Variants in SLC9A2 observed in about 807,000 individuals in gnomAD.
SLC9A2 encodes solute carrier family 9 member A2, also known as sodium/hydrogen exchanger 2.
SLC9A2 carries 42 observed loss-of-function variants against 71.7 expected under a neutral mutation model. The observed-to-expected ratio is 0.59, with a 90% confidence interval of 0.46 to 0.76. The LOEUF (loss-of-function observed/expected upper bound fraction) is 0.76. Ranked by LOEUF, SLC9A2 falls within the 30% of genes least tolerant of loss-of-function variation. The probability of loss-of-function intolerance (pLI) is 0.00; values close to 1 mark genes in which losing one functional copy is unlikely to be tolerated. For synonymous variants in SLC9A2, 396 were observed against 392.5 expected (o/e 1.01, Z -0.10); for missense variants, 829 against 1,017.4 (o/e 0.81, Z 2.52).
At chr2:102,702,220 C>T (rs965077685) in intron 8 of SLC9A2, among the ~76,000 whole-genome samples, 186 bp from the exon 9 acceptor site, 1 of 152,030 alleles carries the variant, frequency 6.6e-6, no homozygotes, top group African/African-American at 2.4e-5. Context: ...GTTAAACTTG[C>T]CATGAATGAT....
rs1678075088 is a variant in SLC9A2 at position 102,710,066 on chromosome 2, A to G, written c.*1577A>G. 6.5e-6 allele frequency: 1 copy of G among 152,760 alleles called. No homozygotes were observed. Among genetic ancestry groups the G allele is most frequent in the East Asian group, 1.9e-4 (1 of 5,332 alleles). The allele number at this position is 152,760 out of a possible 1,614,324, so 9.5% of individuals were successfully genotyped here. On this transcript the variant is annotated 3_prime_UTR_variant, in exon 12 of 12. Coordinates refer to ENST00000233969, the MANE Select transcript of SLC9A2 (RefSeq NM_003048.6). The stretch of plus-strand genomic sequence containing the variant: ...TTCTCATGTTCTAAAGTCTTAGAAT[A>G]CTGCTGGATTGTTGAGCATGAGACA...
chr2:102,631,989 A>C (rs1676363913), intron 1 of SLC9A2, among the ~76,000 whole-genome samples: 1 of 123,510 alleles, frequency 8.1e-6, no homozygotes, highest in African/African-American at 3.2e-5. Flanking sequence ...AATTAATGAA[A>C]GTGGGGATAT....
In SLC9A2 at chr2:102,708,539, T is replaced by C. The variant is rs55898548; in HGVS notation, c.*50T>C. 18,318 of 1,566,920 alleles carry C rather than the reference T, an allele frequency of 0.012. 146 individuals carry two copies. Among genetic ancestry groups the C allele is most frequent in the Middle Eastern group, 0.029 (167 of 5,808 alleles). On this transcript the variant is annotated 3_prime_UTR_variant, in exon 12 of 12. Transcript: ENST00000233969. ...GTGTCTGACCCAGGACAGCTGTGGT[T>C]TGTCACTCTGAAACCTGATGCAACA...
intron 5 of SLC9A2, 22 bp downstream of exon 5, chr2:102,684,358 C>A (rs369154330): frequency 6.3e-7 from 1 of 1,593,908 alleles, no homozygotes; most frequent in Non-Finnish European, 8.6e-7. Flanking sequence ...GATCCCTTTA[C>A]CAGGAGGGTA....
chr2:102,619,964 C>G lies in SLC9A2; in HGVS notation c.116C>G (p.Ala39Gly), dbSNP rs201327150. 419 of 1,612,774 alleles carry G rather than the reference C, an allele frequency of 2.6e-4. 1 individual carries two copies. In the Admixed American group the frequency reaches 6.6e-3, roughly 26 times the overall value. ...VGALAETLLN[A>G]PRAMGTSSSP... ...GCCCTGGCGGAGACCTTGCTGAACG[C>G]GCCGAGGGCCATGGGCACCAGTTCC... Residue 39 changes from alanine to glycine, a missense_variant, in exon 1 of 12, where the codon GCG becomes GGG. Transcript: ENST00000233969. This position sits in a 1 kb window ranked among gnomAD's most constrained non-coding sequence, Gnocchi z 4.3.
intron 3 of SLC9A2, among the ~76,000 whole-genome samples, chr2:102,674,772 C>A (rs187066086): frequency 6.6e-6 from 1 of 152,150 alleles, no homozygotes; most frequent in Non-Finnish European, 1.5e-5. Flanking sequence ...TGGGATTTAG[C>A]CTTAGGGTGA....
intron 1 of SLC9A2, among the ~76,000 whole-genome samples, chr2:102,646,595 G>A (rs1017814593): frequency 1.3e-5 from 2 of 151,910 alleles, no homozygotes; most frequent in Non-Finnish European, 2.9e-5. Context: ...TCAAAATAAA[G>A]GGATGGAGGA....
chr2:102,650,739 T>C (rs895526876), intron 1 of SLC9A2, among the ~76,000 whole-genome samples: 1 of 152,222 alleles, frequency 6.6e-6, no homozygotes, highest in African/African-American at 2.4e-5. Flanking sequence ...GTGAATTTAC[T>C]ATTTCATCCC....
At chr2:102,694,609 G>A in intron 6 of SLC9A2, 106 bp downstream of exon 6, 1 of 513,680 alleles carries the variant, frequency 1.9e-6, no homozygotes. Context: ...GAAGGGAATG[G>A]CAGGGTGAGA....
Position 102,702,516 on chromosome 2 carries a change from A to C in SLC9A2, c.1845+14A>C. 7.0e-7 allele frequency: 1 copy of C among 1,433,160 alleles called. No individual in the cohort carries two copies. Among genetic ancestry groups the C allele is most frequent in the Non-Finnish European group, 9.7e-7 (1 of 1,033,012 alleles). The allele number at this position is 1,433,160 out of a possible 1,614,324, so 88.8% of individuals were successfully genotyped here. A position where few individuals can be genotyped will look rare whatever the true frequency, so the allele number is the denominator to read the frequency against. On this transcript the variant is annotated intron_variant, in intron 9 of 11. Coordinates refer to ENST00000233969, the MANE Select transcript of SLC9A2 (RefSeq NM_003048.6). ...ATCCGTCAGCGAGTAAGAATAATTT[A>C]TGTAGCAAAATATTTACTTACCTTT... is the stretch of plus-strand genomic sequence containing the variant.
intron 2 of SLC9A2, among the ~76,000 whole-genome samples, chr2:102,659,149 A>G (rs928668633): frequency 6.6e-6 from 1 of 152,024 alleles, no homozygotes; most frequent in Non-Finnish European, 1.5e-5. Flanking sequence ...CCGGGTGCAG[A>G]GGCTCATGCC....
Position 102,657,795 on chromosome 2 carries a change from T to C in SLC9A2, c.521T>C (p.Val174Ala). 1 of 1,614,162 alleles carries C rather than the reference T, an allele frequency of 6.2e-7. No homozygotes were observed. Among genetic ancestry groups the C allele is most frequent in the Non-Finnish European group, 8.5e-7 (1 of 1,180,032 alleles). Residue 174 changes from valine (V) to alanine (A), a missense_variant, in exon 2 of 12, where the codon GTG becomes GCG. By Grantham distance (64) the Val-to-Ala change is moderately conservative. Transcript: ENST00000233969. ...ENIGTIFWYA[V>A]VGTLWNSIGI... Reference sequence around the variant, plus strand: ...ATTGGCACGATTTTCTGGTATGCTGTGGTAGGGACACTTTGGAATTCCATT... The same window carrying C: ...ATTGGCACGATTTTCTGGTATGCTGCGGTAGGGACACTTTGGAATTCCATT...
Position 102,670,093 on chromosome 2 carries a change from G to A in SLC9A2, c.1004+4743G>A, listed in dbSNP as rs370250948. On this transcript the variant is annotated intron_variant, in intron 3 of 11. Coordinates refer to ENST00000233969, the MANE Select transcript of SLC9A2 (RefSeq NM_003048.6). ...GTTGCCCAGGCTGGAATGCAGTGGC[G>A]CGATCTCTGCTCACTGCAAGCTCAC... Among the ~76,000 whole-genome samples, 34 of 151,024 alleles carry A rather than the reference G, an allele frequency of 2.3e-4. No individual in the cohort carries two copies. The East Asian group carries it at 3.1e-3, about 14-fold the overall frequency.
intron 1 of SLC9A2, among the ~76,000 whole-genome samples, chr2:102,641,448 C>A (rs149283468): frequency 7.2e-5 from 11 of 151,900 alleles, no homozygotes; most frequent in African/African-American, 2.4e-4. Flanking sequence ...CCTTTGTCCC[C>A]ACTCTAGTGA....
chr2:102,674,410 G>A (rs1161167706), intron 3 of SLC9A2, among the ~76,000 whole-genome samples: 1 of 152,132 alleles, frequency 6.6e-6, no homozygotes, highest in Non-Finnish European at 1.5e-5. Flanking sequence ...TGGCTTCTGG[G>A]GTGAGGAGAG....
At chr2:102,705,726 T>C in intron 10 of SLC9A2, 120 bp from the exon 11 acceptor site, 3 of 560,088 alleles carry the variant, frequency 5.4e-6, no homozygotes, top group Non-Finnish European at 9.3e-6. Flanking sequence ...AAAGTAATTT[T>C]GGAATCAGAA....
rs761684174 is a variant in SLC9A2, at chr2:102,684,169, C to T, written c.1258C>T (p.Arg420Trp). 6.2e-7 allele frequency: 1 copy of T among 1,614,092 alleles called. No homozygotes were observed. Among genetic ancestry groups the T allele is most frequent in the Non-Finnish European group, 8.5e-7 (1 of 1,179,978 alleles). The change falls in exon 5 of 12, where the codon CGG becomes TGG. Residue 420 changes from arginine (R) to tryptophan (W), a missense_variant. Arg to Trp is a moderately radical substitution (Grantham distance 101). This residue lies in a region of SLC9A2 where 500 missense variants were observed against 726.3 expected (regional missense o/e 0.69). Coordinates refer to ENST00000233969, the MANE Select transcript of SLC9A2 (RefSeq NM_003048.6). Reference protein sequence around the residue: ...FVLTQVINRFRTIPLTFKDQF... With the variant: ...FVLTQVINRFWTIPLTFKDQF... The stretch of plus-strand genomic sequence containing the variant: ...CCTGACTCAGGTCATTAATAGGTTC[C>T]GGACCATTCCCCTGACCTTTAAGGA...
chr2:102,628,922 A>G (rs1676306045), intron 1 of SLC9A2, among the ~76,000 whole-genome samples: 1 of 152,144 alleles, frequency 6.6e-6, no homozygotes, highest in Non-Finnish European at 1.5e-5. Context: ...GTTGATTGTG[A>G]TATCCTTTAT....
Position 102,657,739 on chromosome 2 carries a change from T to C in SLC9A2, c.465T>C (p.Tyr155=), listed in dbSNP as rs1441122199. ...LLPPIVLDAG[Y]FMPTRPFFEN... Reference sequence around the variant, plus strand: ...CACCCATCGTGCTGGATGCCGGCTATTTCATGCCCACTCGCCCATTCTTTG... The same window carrying C: ...CACCCATCGTGCTGGATGCCGGCTACTTCATGCCCACTCGCCCATTCTTTG... The change falls in exon 2 of 12, where the codon TAT becomes TAC. Residue 155 remains tyrosine (Y), a synonymous_variant. Coordinates refer to ENST00000233969, the MANE Select transcript of SLC9A2 (RefSeq NM_003048.6). 6.2e-7 allele frequency: 1 copy of C among 1,614,104 alleles called. No homozygotes were observed. The highest frequency in any genetic ancestry group is 1.3e-5 in the African/African-American group (1 of 74,938).
Sources: gnomAD v4.1 joint callset for allele counts (sites outside exome capture counted in the v4.1 genomes callset) on GRCh38, gnomAD v4.1.1 for gene constraint, gnomAD v4.1.1 regional missense constraint, Gnocchi (gnomAD v3.1) non-coding constraint, MANE v1.5 for transcripts, NCBI Gene and HGNC (gene_info 2026-07-23, HGNC 2026-07-21) for gene names.